Variants in CREB5 observed in about 807,000 individuals in gnomAD.
The protein encoded by CREB5 is cAMP responsive element binding protein 5.
In CREB5, 19 loss-of-function variants were observed where a neutral mutation model predicts 57.1. That is an observed-to-expected ratio of 0.33 (90% CI 0.23 to 0.49). The LOEUF (loss-of-function observed/expected upper bound fraction) is 0.49, where lower values mean the gene tolerates loss of function less well. Among genes scored for constraint, CREB5 ranks in the 20% least tolerant of loss-of-function variants. CREB5 has a pLI of 0.99. For missense variants in CREB5, 579 were observed against 671.6 expected, an observed-to-expected ratio of 0.86 and a Z score of 1.52; for synonymous variants, 238 against 238.3, an observed-to-expected ratio of 1.00 and a Z score of 0.01.
intron 5 of CREB5, among the ~76,000 whole-genome samples, chr7:28,635,182 G>A (rs562549843): frequency 7.9e-5 from 12 of 152,324 alleles, no homozygotes; most frequent in Middle Eastern, 3.4e-3. Flanking sequence ...AGGCAAGGAG[G>A]AGGCTTGGAA....
At chr7:28,790,869 G>A (rs945337351) in intron 7 of CREB5, among the ~76,000 whole-genome samples, 16 of 152,188 alleles carry the variant, frequency 1.1e-4, no homozygotes, top group Admixed American at 6.5e-5. Context: ...ACTACCCACT[G>A]CTAGACCTGC....
rs556154337 is a variant in CREB5, at chr7:28,318,501, A to G, written c.-25+19060A>G. On this transcript the variant is annotated intron_variant, in intron 1 of 9. Transcript: ENST00000396299. ...TGGTGGGTTAAATTGAAAATGTATTATTCATTTTAGAAAAAGTATGACTAA... is the reference window on the plus strand; with the variant it reads ...TGGTGGGTTAAATTGAAAATGTATTGTTCATTTTAGAAAAAGTATGACTAA... 9.2e-5 allele frequency among the ~76,000 whole-genome samples: 14 copies of G among 152,364 alleles called. No homozygotes were observed. The East Asian group carries it at 2.7e-3, about 29-fold the overall frequency.
intron 4 of CREB5, among the ~76,000 whole-genome samples, chr7:28,566,796 G>T (rs1795499732): frequency 2.0e-5 from 3 of 152,166 alleles, no homozygotes; most frequent in Admixed American, 2.0e-4. Flanking sequence ...TTGTGTGTTG[G>T]GTAGAGAAGA....
chr7:28,541,579 A>G (rs927716727), intron 4 of CREB5, among the ~76,000 whole-genome samples: 1 of 152,208 alleles, frequency 6.6e-6, no homozygotes, highest in African/African-American at 2.4e-5. Flanking sequence ...AGGGAGGAGA[A>G]TCACTTGAAC....
At chr7:28,405,907 T>C (rs899985305) in intron 1 of CREB5, among the ~76,000 whole-genome samples, 7 of 152,154 alleles carry the variant, frequency 4.6e-5, no homozygotes, top group African/African-American at 1.7e-4. Flanking sequence ...GAATCACAAA[T>C]GCAGAATCCT....
At chr7:28,743,250 T>C (rs1267966012) in intron 7 of CREB5, among the ~76,000 whole-genome samples, 2 of 152,148 alleles carry the variant, frequency 1.3e-5, no homozygotes, top group Non-Finnish European at 2.9e-5. Context: ...GATTTGTCTC[T>C]ATCCGACTGC....
intron 1 of CREB5, among the ~76,000 whole-genome samples, chr7:28,466,564 C>T (rs1790581232): frequency 6.6e-6 from 1 of 152,164 alleles, no homozygotes; most frequent in African/African-American, 2.4e-5. Flanking sequence ...TCTCTTCCTT[C>T]TTTCTGACTA....
At chr7:28,707,531 G>A (rs73075739) in intron 5 of CREB5, among the ~76,000 whole-genome samples, 7,369 of 152,238 alleles carry the variant, frequency 0.048, 272 homozygotes, top group Middle Eastern at 0.12. Context: ...GGGAGTCAGC[G>A]TTATCTCTAT....
rs145068781 is a variant in CREB5, at chr7:28,365,945, G to T, written c.-25+66504G>T. ...TAAGTTTAAATAGTTGCTAGGGATA[G>T]AATTTCCAGTATGTTACAAATATTG... On this transcript the variant is annotated intron_variant, in intron 1 of 9. Transcript: ENST00000396299. Among the ~76,000 whole-genome samples, 317 of 152,252 alleles carry T rather than the reference G, an allele frequency of 2.1e-3. 4 individuals are homozygous for T. The highest frequency in any genetic ancestry group is 7.2e-3 in the African/African-American group (298 of 41,532).
intron 1 of CREB5, among the ~76,000 whole-genome samples, chr7:28,334,472 T>C (rs1440506687): frequency 1.3e-5 from 2 of 152,152 alleles, no homozygotes; most frequent in African/African-American, 4.8e-5. Context: ...CCTTTTTATA[T>C]AGCTGTTTGC....
intron 1 of CREB5, among the ~76,000 whole-genome samples, chr7:28,311,606 A>G (rs929413731): frequency 1.6e-4 from 25 of 152,156 alleles, no homozygotes; most frequent in Admixed American, 1.2e-3. Flanking sequence ...CTCTTTCTTT[A>G]ATTTTGACCA....
intron 5 of CREB5, among the ~76,000 whole-genome samples, chr7:28,662,267 T>A (rs1018478591): frequency 1.3e-5 from 2 of 152,198 alleles, no homozygotes; most frequent in African/African-American, 4.8e-5. Context: ...ACACCTAACA[T>A]GGTTTGGACA....
intron 5 of CREB5, among the ~76,000 whole-genome samples, chr7:28,671,506 AAG>A (rs1800038727): frequency 6.6e-6 from 1 of 152,214 alleles, no homozygotes; most frequent in African/African-American, 2.4e-5. Context: ...GGGGAGAAGC[AAG>A]AGACTTTGGC....
intron 5 of CREB5, among the ~76,000 whole-genome samples, chr7:28,696,906 T>C (rs946966542): frequency 3.3e-5 from 5 of 151,802 alleles, no homozygotes; most frequent in African/African-American, 1.2e-4. Flanking sequence ...TCACATTACA[T>C]ACACACATAT....
At position 28,334,508 on chromosome 7, in the gene CREB5, C is replaced by T. The variant is rs112932203; in HGVS notation, c.-25+35067C>T. Among the ~76,000 whole-genome samples, 991 of 152,256 alleles carry T rather than the reference C, an allele frequency of 6.5e-3. 5 individuals are homozygous for T. Among genetic ancestry groups the T allele is most frequent in the African/African-American group, 0.022 (911 of 41,548 alleles). On this transcript the variant is annotated intron_variant, in intron 1 of 9. Transcript: ENST00000396299. The stretch of plus-strand genomic sequence containing the variant: ...CATTTGTATGTCTTCTTTTGATAAA[C>T]GTCTACTCAGATCTTTTGCCCATTT...
At chr7:28,432,885 A>C (rs1448719473) in intron 1 of CREB5, among the ~76,000 whole-genome samples, 1 of 152,230 alleles carries the variant, frequency 6.6e-6, no homozygotes, top group Non-Finnish European at 1.5e-5. Flanking sequence ...CCTTCATATA[A>C]TCTATGTCTT....
chr7:28,357,680 T>C (rs1786374814), intron 1 of CREB5, among the ~76,000 whole-genome samples: 1 of 152,224 alleles, frequency 6.6e-6, no homozygotes, highest in African/African-American at 2.4e-5. Flanking sequence ...ACTTAGCACA[T>C]GCTCCTGGGG....
rs183958558 is a variant in CREB5 at position 28,618,484 on chromosome 7, G to A, written c.464+47947G>A. Among the ~76,000 whole-genome samples, 119 of 152,198 alleles carry A rather than the reference G, an allele frequency of 7.8e-4. 2 individuals carry two copies. Among genetic ancestry groups the A allele is most frequent in the Admixed American group, 7.3e-3 (112 of 15,300 alleles). On this transcript the variant is annotated intron_variant, in intron 5 of 10. Coordinates refer to ENST00000357727, the MANE Select transcript of CREB5 (RefSeq NM_182898.4). ...AGATGCTGCTCTGATTTCAGGCCTG[G>A]TATTGCCATAGGCTCCCCTGAGTAG... is the stretch of plus-strand genomic sequence containing the variant.
intron 5 of CREB5, among the ~76,000 whole-genome samples, chr7:28,714,394 T>C (rs1283931480): frequency 6.6e-6 from 1 of 152,194 alleles, no homozygotes; most frequent in East Asian, 1.9e-4. Context: ...GATCTGTCTG[T>C]CCTGAGAGTT....
Sources: gnomAD v4.1 joint callset for allele counts (sites outside exome capture counted in the v4.1 genomes callset) on GRCh38, gnomAD v4.1.1 for gene constraint, MANE v1.5 for transcripts, NCBI Gene and HGNC (gene_info 2026-07-23, HGNC 2026-07-21) for gene names.